The following SRGAP1 variants were observed in gnomAD, a reference collection of about 807,000 sequenced individuals.
The protein encoded by SRGAP1 is SLIT-ROBO Rho GTPase-activating protein 1.
SRGAP1 carries 43 observed loss-of-function variants against 121.9 expected under a neutral mutation model. The observed-to-expected ratio is 0.35, with a 90% CI of 0.28 to 0.46. The LOEUF (loss-of-function observed/expected upper bound fraction) is 0.46, where lower values mean the gene tolerates loss of function less well. Ranked by LOEUF, SRGAP1 falls within the 20% of genes least tolerant of loss-of-function variation. The pLI is 1.00. For missense variants in SRGAP1, 1,102 were observed against 1,350.9 expected, an observed-to-expected ratio of 0.82 and a Z score of 2.89; for synonymous variants, 447 against 485.4, an observed-to-expected ratio of 0.92 and a Z score of 1.04.
At chr12:64,106,236 A>C (rs1199046766) in intron 15 of SRGAP1, among the ~76,000 whole-genome samples, 1 of 152,184 alleles carries the variant, frequency 6.6e-6, no homozygotes, top group Non-Finnish European at 1.5e-5. Flanking sequence ...GAGAAGTTTT[A>C]TTGTTGTCTT....
intron 1 of SRGAP1, among the ~76,000 whole-genome samples, chr12:63,892,010 AAAAAG>A (rs1900602196): frequency 6.6e-6 from 1 of 151,930 alleles, no homozygotes. Context: ...GAAAAAAAGA[AAAAAG>A]AAAAGAGATG....
chr12:64,021,867 G>A (rs2034557784), intron 4 of SRGAP1, among the ~76,000 whole-genome samples: 1 of 152,192 alleles, frequency 6.6e-6, no homozygotes, highest in Non-Finnish European at 1.5e-5. Flanking sequence ...GTGAAAGGGT[G>A]AACCAGGATC....
At chr12:64,040,272 C>T (rs565338227) in intron 4 of SRGAP1, among the ~76,000 whole-genome samples, 5 of 152,144 alleles carry the variant, frequency 3.3e-5, no homozygotes, top group Non-Finnish European at 5.9e-5. Flanking sequence ...TATTTAAAAA[C>T]TCATCTCTTG....
At chr12:64,019,447 T>A (rs1164676068) in intron 4 of SRGAP1, among the ~76,000 whole-genome samples, 1 of 152,188 alleles carries the variant, frequency 6.6e-6, no homozygotes, top group East Asian at 1.9e-4. Flanking sequence ...GAGGTTTTAA[T>A]TATGTCATCT....
At chr12:64,041,646 A>G (rs2035027405) in intron 4 of SRGAP1, among the ~76,000 whole-genome samples, 1 of 151,740 alleles carries the variant, frequency 6.6e-6, no homozygotes, top group Non-Finnish European at 1.5e-5. Context: ...TTGGCCTCCC[A>G]AAATGTGCTG....
chr12:63,942,920 A>C (rs1482092981), intron 1 of SRGAP1, among the ~76,000 whole-genome samples: 1 of 152,250 alleles, frequency 6.6e-6, no homozygotes, highest in Non-Finnish European at 1.5e-5. Context: ...AAATTACTTT[A>C]GCCAATTTTC....
intron 1 of SRGAP1, among the ~76,000 whole-genome samples, chr12:63,852,113 C>T (rs906443176): frequency 6.6e-6 from 1 of 152,146 alleles, no homozygotes; most frequent in African/African-American, 2.4e-5. Flanking sequence ...CCACCTCAGC[C>T]TCCTGTGTAG....
chr12:63,921,075 A>G, intron 1 of SRGAP1, among the ~76,000 whole-genome samples: 1 of 152,242 alleles, frequency 6.6e-6, no homozygotes, highest in African/African-American at 2.4e-5. Context: ...ATCTGGTTCG[A>G]CAAGCCAGAA....
At chr12:63,897,447 A>G (rs1900791116) in intron 1 of SRGAP1, among the ~76,000 whole-genome samples, 1 of 152,208 alleles carries the variant, frequency 6.6e-6, no homozygotes, top group African/African-American at 2.4e-5. Flanking sequence ...TCATTATTGC[A>G]ATGACTTTTA....
At chr12:64,010,073 G>T (rs1222103619) in intron 3 of SRGAP1, among the ~76,000 whole-genome samples, 1 of 152,136 alleles carries the variant, frequency 6.6e-6, no homozygotes, top group Non-Finnish European at 1.5e-5. Context: ...TACTGTGGAA[G>T]TATGGCCTGA....
Position 64,159,499 on chromosome 12 carries a change from T to C in SRGAP1, c.*16827T>C, listed in dbSNP as rs1452592229. ...AACAAACAAACAAACAGTAGCTGGT[T>C]GTGGTGGTGTGTGACTGTGATCCCA... On this transcript the variant is annotated 3_prime_UTR_variant, in exon 22 of 22. Coordinates refer to ENST00000355086, the MANE Select transcript of SRGAP1 (RefSeq NM_020762.4). 2 of 155,278 alleles carry C rather than the reference T, an allele frequency of 1.3e-5. No homozygotes were observed. Among genetic ancestry groups the C allele is most frequent in the Non-Finnish European group, 2.8e-5 (2 of 70,824 alleles). The allele number at this position is 155,278 out of a possible 1,614,324, so 9.6% of individuals were successfully genotyped here.
At chr12:63,899,417 A>G (rs1203626071) in intron 1 of SRGAP1, among the ~76,000 whole-genome samples, 1 of 152,196 alleles carries the variant, frequency 6.6e-6, no homozygotes, top group Non-Finnish European at 1.5e-5. Context: ...AAAACCTTAG[A>G]CCAATTAAAT....
intron 6 of SRGAP1, among the ~76,000 whole-genome samples, chr12:64,049,663 G>T (rs2035200722): frequency 6.6e-6 from 1 of 152,134 alleles, no homozygotes; most frequent in African/African-American, 2.4e-5. Flanking sequence ...TGGCACTTTT[G>T]TTGAAAACGA....
chr12:64,114,375 C>G (rs2036484753), intron 17 of SRGAP1, among the ~76,000 whole-genome samples: 1 of 113,164 alleles, frequency 8.8e-6, no homozygotes, highest in Admixed American at 1.2e-4. Flanking sequence ...GAGTTTCACT[C>G]TGTTGCCAGG....
At chr12:63,981,089 G>A (rs2033233720) in intron 1 of SRGAP1, among the ~76,000 whole-genome samples, 1 of 152,172 alleles carries the variant, frequency 6.6e-6, no homozygotes, top group Non-Finnish European at 1.5e-5. Context: ...CTGTTATGGA[G>A]AATGCTGAGT....
rs2037071558 is a variant in SRGAP1 at position 64,147,448 on chromosome 12, G to C, written c.*4776G>C. The C allele has an allele frequency of 4.4e-6, 1 of 229,520 alleles. No homozygotes were observed. The highest frequency in any genetic ancestry group is 8.2e-6 in the Non-Finnish European group (1 of 121,384). The allele number at this position is 229,520 out of a possible 1,614,324, so 14.2% of individuals were successfully genotyped here. On this transcript the variant is annotated 3_prime_UTR_variant, in exon 22 of 22. Coordinates refer to ENST00000355086, the MANE Select transcript of SRGAP1 (RefSeq NM_020762.4). Reference sequence around the variant, plus strand: ...CCACCTTCCCCATCCCCGCCTTCCTGTGCCTCGGTGCTCAGTAATGTCCCA... The same window carrying C: ...CCACCTTCCCCATCCCCGCCTTCCTCTGCCTCGGTGCTCAGTAATGTCCCA...
At chr12:64,063,233 G>T in intron 7 of SRGAP1, 95 bp downstream of exon 7, 1 of 1,162,218 alleles carries the variant, frequency 8.6e-7, no homozygotes, top group South Asian at 1.5e-5. Context: ...ATTCCCAGTT[G>T]TTTTCTCTCT....
chr12:63,894,520 C>T (rs952519015), intron 1 of SRGAP1, among the ~76,000 whole-genome samples: 1 of 151,280 alleles, frequency 6.6e-6, no homozygotes, highest in South Asian at 2.1e-4. Context: ...ATGTGCACAA[C>T]ATGCAGGTTT....
At chr12:64,132,662 C>T (rs2036802885) in intron 21 of SRGAP1, among the ~76,000 whole-genome samples, 1 of 152,208 alleles carries the variant, frequency 6.6e-6, no homozygotes, top group Non-Finnish European at 1.5e-5. Context: ...ATTTCCCATC[C>T]TCTAGCACAC....
Sources: gnomAD v4.1 joint callset for allele counts (sites outside exome capture counted in the v4.1 genomes callset) on GRCh38, gnomAD v4.1.1 for gene constraint, MANE v1.5 for transcripts, NCBI Gene and HGNC (gene_info 2026-07-23, HGNC 2026-07-21) for gene names.